The following GRM7 variants were observed in gnomAD, a reference collection of about 807,000 sequenced individuals.
The protein encoded by GRM7 is glutamate metabotropic receptor 7.
GRM7 carries 35 observed loss-of-function variants against 84.5 expected under a neutral mutation model. That is an observed-to-expected ratio of 0.41 (90% CI 0.32 to 0.55). The LOEUF is 0.55. GRM7 is among the 20% of genes least tolerant of loss of function. The pLI is 0.19. For synonymous variants in GRM7, 487 were observed against 455.1 expected, an observed-to-expected ratio of 1.07 and a Z score of -0.89; for missense variants, 1,003 against 1,194.6, an observed-to-expected ratio of 0.84 and a Z score of 2.36.
At chr3:7,263,552 C>T (rs996107678) in intron 2 of GRM7, among the ~76,000 whole-genome samples, 21 of 152,172 alleles carry the variant, frequency 1.4e-4, no homozygotes, top group African/African-American at 4.8e-4. Context: ...TCCACCTCCA[C>T]CTCACCAGCT....
chr3:7,110,114 T>C (rs747180302), intron 1 of GRM7, among the ~76,000 whole-genome samples: 9 of 152,088 alleles, frequency 5.9e-5, no homozygotes, highest in Non-Finnish European at 1.0e-4. Context: ...AAACTGAAGA[T>C]GTAAAACTTC....
rs539818388 is a variant in GRM7, at chr3:7,132,024, A to G, written c.520-14428A>G. Among the ~76,000 whole-genome samples, 10 of 152,256 alleles carry G rather than the reference A, an allele frequency of 6.6e-5. No individual in the cohort carries two copies. In the East Asian group the frequency reaches 1.9e-3, roughly 29 times the overall value. On this transcript the variant is annotated intron_variant, in intron 1 of 9. Coordinates refer to ENST00000357716, the MANE Select transcript of GRM7 (RefSeq NM_000844.4). ...CTTTTACCATTTCTCTTCATTGGGAAAGGCTTTCATTTGCTCTTTTGCTAA... is the reference window on the plus strand; with the variant it reads ...CTTTTACCATTTCTCTTCATTGGGAGAGGCTTTCATTTGCTCTTTTGCTAA...
At chr3:6,936,036 T>G (rs1697681067) in intron 1 of GRM7, among the ~76,000 whole-genome samples, 2 of 152,176 alleles carry the variant, frequency 1.3e-5, no homozygotes, top group Admixed American at 1.3e-4. Context: ...ATGTGCTTGC[T>G]TGGAAGTCTC....
At chr3:7,665,031 T>C (rs1274879523) in intron 8 of GRM7, among the ~76,000 whole-genome samples, 1 of 152,184 alleles carries the variant, frequency 6.6e-6, no homozygotes, top group African/African-American at 2.4e-5. Context: ...CCTTTTATCA[T>C]TTGGGACATC....
At chr3:7,015,489 C>T (rs1387923602) in intron 1 of GRM7, among the ~76,000 whole-genome samples, 1 of 152,200 alleles carries the variant, frequency 6.6e-6, no homozygotes, top group African/African-American at 2.4e-5. Context: ...ACGCACTAGT[C>T]ATCTCTTGCT....
chr3:6,898,153 C>T (rs1240369609), intron 1 of GRM7, among the ~76,000 whole-genome samples: 1 of 152,108 alleles, frequency 6.6e-6, no homozygotes, highest in African/African-American at 2.4e-5. Context: ...TTCGAAAGGG[C>T]TGATAGGATA....
intron 1 of GRM7, among the ~76,000 whole-genome samples, chr3:6,882,428 C>T (rs888688503): frequency 6.6e-6 from 1 of 152,082 alleles, no homozygotes; most frequent in Non-Finnish European, 1.5e-5. Context: ...AGCTTTTAGT[C>T]CCAGCTACTC....
intron 2 of GRM7, among the ~76,000 whole-genome samples, chr3:7,260,135 T>C (rs981205965): frequency 6.6e-6 from 1 of 151,908 alleles, no homozygotes; most frequent in African/African-American, 2.4e-5. Flanking sequence ...CACTTTTCAA[T>C]GTTTTTTTTT....
intron 7 of GRM7, 35 bp from the exon 8 acceptor site, chr3:7,578,387 C>A (rs1182294235): frequency 1.4e-6 from 2 of 1,388,850 alleles, no homozygotes; most frequent in South Asian, 2.6e-5. Flanking sequence ...CTTGAAGAAT[C>A]TGCCTGATTC....
intron 6 of GRM7, among the ~76,000 whole-genome samples, chr3:7,461,152 T>C (rs972320435): frequency 2.6e-5 from 4 of 152,232 alleles, no homozygotes; most frequent in African/African-American, 9.6e-5. Flanking sequence ...ATTTCTCTTT[T>C]AACATTAATT....
chr3:7,315,361 C>T (rs1700545735), intron 4 of GRM7, among the ~76,000 whole-genome samples: 1 of 152,196 alleles, frequency 6.6e-6, no homozygotes, highest in South Asian at 2.1e-4. Context: ...TCAATGCCCT[C>T]ATTTTTCAAA....
At chr3:7,329,841 A>G (rs1042501422) in intron 4 of GRM7, among the ~76,000 whole-genome samples, 4 of 152,078 alleles carry the variant, frequency 2.6e-5, no homozygotes, top group African/African-American at 7.2e-5. Context: ...ATATGCATCT[A>G]TTTCCTTTTA....
At chr3:7,680,569 C>G (rs901083394) in intron 9 of GRM7, 15 of 427,208 alleles carry the variant, frequency 3.5e-5, no homozygotes, top group African/African-American at 3.0e-4. Context: ...GTACTGAATC[C>G]TCCAACTGAC....
intron 1 of GRM7, among the ~76,000 whole-genome samples, chr3:6,953,890 T>A (rs1692901722): frequency 6.6e-6 from 1 of 152,022 alleles, no homozygotes; most frequent in Non-Finnish European, 1.5e-5. Context: ...AGATAATTCA[T>A]GTGAGGTGCT....
chr3:7,596,906 G>T (rs1696072007), intron 8 of GRM7, among the ~76,000 whole-genome samples: 1 of 152,136 alleles, frequency 6.6e-6, no homozygotes, highest in African/African-American at 2.4e-5. Context: ...ATGTTTGTCT[G>T]GTGAAGACAG....
At chr3:7,412,849 A>G (rs1210113644) in intron 4 of GRM7, among the ~76,000 whole-genome samples, 1 of 151,862 alleles carries the variant, frequency 6.6e-6, no homozygotes, top group Non-Finnish European at 1.5e-5. Context: ...TTTCCAGCGA[A>G]CCAAAACTCT....
At chr3:6,878,239 C>CTGAT (rs1695384274) in intron 1 of GRM7, among the ~76,000 whole-genome samples, 1 of 151,960 alleles carries the variant, frequency 6.6e-6, no homozygotes, top group South Asian at 2.1e-4. Context: ...TGCTGTCCTT[C>CTGAT]TGATTGAAGA....
intron 1 of GRM7, among the ~76,000 whole-genome samples, chr3:6,882,751 T>A (rs1170401557): frequency 6.6e-6 from 1 of 152,198 alleles, no homozygotes; most frequent in Non-Finnish European, 1.5e-5. Context: ...ATGAGCATGA[T>A]TCCATGTCAT....
intron 1 of GRM7, among the ~76,000 whole-genome samples, chr3:7,039,360 AT>A (rs1423806955): frequency 1.3e-5 from 2 of 152,188 alleles, no homozygotes; most frequent in Admixed American, 6.5e-5. Context: ...TTTTAAAAAA[AT>A]TTTTAATGTT....
Sources: gnomAD v4.1 joint callset for allele counts (sites outside exome capture counted in the v4.1 genomes callset) on GRCh38, gnomAD v4.1.1 for gene constraint, MANE v1.5 for transcripts, NCBI Gene and HGNC (gene_info 2026-07-23, HGNC 2026-07-21) for gene names.